The following FOXP1 variants were observed in gnomAD, a reference collection of about 807,000 sequenced individuals.
The protein encoded by FOXP1 is forkhead box protein P1.
Under a neutral mutation model 98.2 loss-of-function variants are expected in FOXP1, and 15 were observed. The observed-to-expected ratio is 0.15, with a 90% confidence interval of 0.10 to 0.24. The LOEUF is 0.24. FOXP1 is among the 10% of genes least tolerant of loss of function. The pLI is 1.00. For synonymous variants in FOXP1, 371 were observed against 314.5 expected (o/e 1.18, Z -1.90); for missense variants, 633 against 848.5 (o/e 0.75, Z 3.15).
rs577882015 is a variant in FOXP1, at chr3:71,564,370, C to T, written c.-298+17179G>A. Among the ~76,000 whole-genome samples the T allele has an allele frequency of 1.1e-4, 17 of 152,308 alleles. No homozygotes were observed. In the East Asian group the frequency reaches 3.3e-3, roughly 29 times the overall value. ...TAAAGCTCCTGTATTTGCCAGGCAC[C>T]CTGTGTCACATTCCACATGGATTAT... On this transcript the variant is annotated intron_variant, in intron 2 of 20. Transcript: ENST00000649528.
intron 3 of FOXP1, among the ~76,000 whole-genome samples, chr3:71,451,090 C>CT (rs2086907362): frequency 6.6e-6 from 1 of 152,230 alleles, no homozygotes; most frequent in South Asian, 2.1e-4. Context: ...TGCATCCAAT[C>CT]TTCCCCCCAA....
intron 5 of FOXP1, among the ~76,000 whole-genome samples, chr3:71,257,259 A>G (rs1005580913): frequency 6.6e-6 from 1 of 152,150 alleles, no homozygotes; most frequent in Non-Finnish European, 1.5e-5. Context: ...GTTCTTTGCA[A>G]CACAGTTTTG....
chr3:71,424,535 C>T (rs764777957), intron 3 of FOXP1, among the ~76,000 whole-genome samples: 5 of 152,100 alleles, frequency 3.3e-5, no homozygotes, highest in Non-Finnish European at 7.4e-5. Context: ...TTAGGTGGTT[C>T]TGTAAGAACA....
At chr3:71,582,890 G>C in intron 1 of FOXP1, 1 of 851,186 alleles carries the variant, frequency 1.2e-6, no homozygotes, top group Non-Finnish European at 1.4e-6. Context: ...AAGTTCCCCA[G>C]TGCGGGGCCC....
intron 6 of FOXP1, among the ~76,000 whole-genome samples, chr3:71,192,624 G>A (rs770907089): frequency 2.0e-5 from 3 of 152,208 alleles, no homozygotes; most frequent in Non-Finnish European, 2.9e-5. Context: ...TGAATGTGAA[G>A]AAAATAATTT....
At chr3:71,032,669 CG>C (rs1160373354) in intron 11 of FOXP1, among the ~76,000 whole-genome samples, 5 of 152,128 alleles carry the variant, frequency 3.3e-5, no homozygotes, top group Admixed American at 6.5e-5. Flanking sequence ...AGCCAGGCCA[CG>C]GGGTAACACT....
intron 3 of FOXP1, among the ~76,000 whole-genome samples, chr3:71,372,713 G>A: frequency 6.6e-6 from 1 of 152,092 alleles, no homozygotes. Context: ...TCCTTCCATT[G>A]AATAAAAAGC....
chr3:71,485,275 G>A (rs1232160269), intron 3 of FOXP1, among the ~76,000 whole-genome samples: 1 of 152,124 alleles, frequency 6.6e-6, no homozygotes, highest in Non-Finnish European at 1.5e-5. Flanking sequence ...TACAATAAAA[G>A]TGGTCAAAAA....
chr3:71,238,626 T>A (rs1327187335), intron 5 of FOXP1, among the ~76,000 whole-genome samples: 2 of 152,208 alleles, frequency 1.3e-5, no homozygotes, highest in African/African-American at 4.8e-5. Context: ...CCTGAAAAGC[T>A]ATTGGTAAGA....
intron 3 of FOXP1, among the ~76,000 whole-genome samples, chr3:71,382,221 G>A (rs564001538): frequency 6.6e-6 from 1 of 152,042 alleles, no homozygotes; most frequent in Non-Finnish European, 1.5e-5. Flanking sequence ...GCAGCACTGA[G>A]CCATGATGGC....
chr3:71,009,165 G>T (rs1216870922), intron 12 of FOXP1, among the ~76,000 whole-genome samples: 1 of 99,822 alleles, frequency 1.0e-5, no homozygotes, highest in Non-Finnish European at 2.3e-5. Context: ...CGGGGGGGGG[G>T]GGGCGCATGA....
At chr3:71,320,453 A>AT (rs1302259030) in intron 4 of FOXP1, among the ~76,000 whole-genome samples, 1 of 151,876 alleles carries the variant, frequency 6.6e-6, no homozygotes, top group Non-Finnish European at 1.5e-5. Context: ...CTACCACCGT[A>AT]TTGCTCTGCC....
At chr3:71,050,146 T>A (rs2049657508) in intron 9 of FOXP1, among the ~76,000 whole-genome samples, 1 of 152,160 alleles carries the variant, frequency 6.6e-6, no homozygotes, top group African/African-American at 2.4e-5. Flanking sequence ...GCCACTCCCT[T>A]CCCAAACTCA....
intron 17 of FOXP1, among the ~76,000 whole-genome samples, chr3:70,974,297 GT>G (rs372286546): frequency 0.036 from 5,369 of 148,188 alleles, 227 homozygotes; most frequent in African/African-American, 0.11. Context: ...TAAATAAGCA[GT>G]TTTTTTTTTT....
At chr3:71,399,210 A>G (rs894153863) in intron 3 of FOXP1, among the ~76,000 whole-genome samples, 11 of 151,946 alleles carry the variant, frequency 7.2e-5, no homozygotes, top group African/African-American at 2.2e-4. Context: ...GTAGATATAC[A>G]GGTATGTACA....
intron 11 of FOXP1, among the ~76,000 whole-genome samples, chr3:71,023,170 C>A (rs2045654411): frequency 6.6e-6 from 1 of 152,192 alleles, no homozygotes; most frequent in African/African-American, 2.4e-5. Flanking sequence ...CTGAGACAGG[C>A]ACCGAGCATA....
At chr3:70,966,758 A>T (rs2034875893) in intron 19 of FOXP1, among the ~76,000 whole-genome samples, 1 of 152,220 alleles carries the variant, frequency 6.6e-6, no homozygotes, top group Admixed American at 6.5e-5. Flanking sequence ...GTGCCAAAGT[A>T]CATCAATATT....
chr3:71,268,940 T>C (rs2070033276), intron 5 of FOXP1, among the ~76,000 whole-genome samples: 1 of 152,110 alleles, frequency 6.6e-6, no homozygotes, highest in African/African-American at 2.4e-5. Context: ...CTTCTTTTAT[T>C]ACCCAACATG....
At chr3:71,170,611 T>G (rs2108213043) in intron 6 of FOXP1, among the ~76,000 whole-genome samples, 1 of 152,320 alleles carries the variant, frequency 6.6e-6, no homozygotes, top group South Asian at 2.1e-4. Flanking sequence ...TGGAGTGTGC[T>G]TCTTTTGACT....
Sources: allele counts gnomAD v4.1 joint callset (sites outside exome capture counted in the v4.1 genomes callset), GRCh38; gene constraint gnomAD v4.1.1; transcripts MANE v1.5; gene names NCBI Gene and HGNC (gene_info 2026-07-23, HGNC 2026-07-21).